Variants in DOCK10 observed in about 807,000 individuals in gnomAD.
DOCK10 encodes dedicator of cytokinesis protein 10.
Under a neutral mutation model 280.1 loss-of-function variants are expected in DOCK10, and 145 were observed. That is an observed-to-expected ratio of 0.52 (90% confidence interval 0.45 to 0.59). The LOEUF (loss-of-function observed/expected upper bound fraction) is 0.59. Ranked by LOEUF, DOCK10 falls within the 20% of genes least tolerant of loss-of-function variation. DOCK10 has a pLI of 0.00. For missense variants in DOCK10, 2,368 were observed against 2,651.7 expected (o/e 0.89, Z 2.35); for synonymous variants, 915 against 942.2 (o/e 0.97, Z 0.53).
chr2:224,898,329 C>CA (rs1373252485), intron 3 of DOCK10, among the ~76,000 whole-genome samples: 1 of 152,156 alleles, frequency 6.6e-6, no homozygotes, highest in Non-Finnish European at 1.5e-5. Context: ...GAGGACAAAA[C>CA]AAGGAGTGAC....
At chr2:224,837,915 T>A (rs1244024902) in intron 24 of DOCK10, 84 bp from the exon 25 acceptor site, 1 of 1,060,862 alleles carries the variant, frequency 9.4e-7, no homozygotes, top group African/African-American at 1.6e-5. Flanking sequence ...GCTTTGTAAA[T>A]TGGGTATTTA....
At position 224,805,425 on chromosome 2, in the gene DOCK10, T is replaced by C. The variant is rs943653469; in HGVS notation, c.3919A>G (p.Thr1307Ala). The change falls in exon 35 of 56, where the codon ACG becomes GCG. Residue 1307 changes from threonine (T) to alanine (A), a missense_variant. By Grantham distance (58) the Thr-to-Ala change is moderately conservative. Coordinates refer to ENST00000258390, the MANE Select transcript of DOCK10 (RefSeq NM_014689.3). The surrounding 1 kb of genome is among the most constrained non-coding windows in gnomAD (Gnocchi z 4.3). ...AGTCATACCTTTTCACAGTTGTCCGTCTTCTCACTGCTCTTCTCATTGGTA... is the reference window on the plus strand; with the variant it reads ...AGTCATACCTTTTCACAGTTGTCCGCCTTCTCACTGCTCTTCTCATTGGTA... ...PSTNEKSSEKTDNCEKIPRPL... is the reference protein window; with the variant it reads ...PSTNEKSSEKADNCEKIPRPL... 2 of 1,612,726 alleles carry C rather than the reference T, an allele frequency of 1.2e-6. No individual in the cohort carries two copies. Among genetic ancestry groups the C allele is most frequent in the Non-Finnish European group, 1.7e-6 (2 of 1,179,182 alleles).
At chr2:224,789,778 T>C (rs1408900219) in intron 47 of DOCK10, among the ~76,000 whole-genome samples, 1 of 120,858 alleles carries the variant, frequency 8.3e-6, no homozygotes, top group Non-Finnish European at 1.7e-5. Flanking sequence ...CAATGCCCAA[T>C]ACTTGCTTTT....
intron 3 of DOCK10, among the ~76,000 whole-genome samples, chr2:224,897,718 CAG>C (rs767667862): frequency 3.3e-5 from 5 of 152,158 alleles, no homozygotes; most frequent in Non-Finnish European, 5.9e-5. Context: ...ATTTTATAAA[CAG>C]ATGTGAATAA....
At chr2:224,936,271 A>T (rs771803101) in intron 1 of DOCK10, among the ~76,000 whole-genome samples, 21 of 152,208 alleles carry the variant, frequency 1.4e-4, no homozygotes, top group Admixed American at 1.3e-3. Flanking sequence ...TTTGCATATA[A>T]TTGGCTTTTC....
At chr2:224,993,917 A>G (rs73083751) in intron 1 of DOCK10, among the ~76,000 whole-genome samples, 8,563 of 152,280 alleles carry the variant, frequency 0.056, 290 homozygotes, top group Middle Eastern at 0.12. Flanking sequence ...TGGTTAGGAT[A>G]GGATCCTATT....
intron 1 of DOCK10, among the ~76,000 whole-genome samples, chr2:224,954,623 C>T (rs868621736): frequency 5.9e-5 from 9 of 152,188 alleles, no homozygotes; most frequent in Non-Finnish European, 1.0e-4. Flanking sequence ...TTGCCTCCAT[C>T]CTCAGAAGCC....
intron 1 of DOCK10, among the ~76,000 whole-genome samples, chr2:225,040,312 A>G (rs963815799): frequency 6.6e-6 from 1 of 152,118 alleles, no homozygotes; most frequent in Non-Finnish European, 1.5e-5. Flanking sequence ...GCCTGCCTAG[A>G]TGTGTAAGAT....
chr2:224,996,236 G>A (rs1706269853), intron 1 of DOCK10, among the ~76,000 whole-genome samples: 2 of 152,180 alleles, frequency 1.3e-5, no homozygotes, highest in Admixed American at 1.3e-4. Context: ...GGGGGTGCAA[G>A]AGGATAAGCT....
intron 16 of DOCK10, among the ~76,000 whole-genome samples, chr2:224,853,817 G>A (rs1045575247): frequency 3.3e-5 from 5 of 152,120 alleles, no homozygotes; most frequent in Admixed American, 6.5e-5. Context: ...TACCCCACCT[G>A]GAATCTGACT....
intron 7 of DOCK10, among the ~76,000 whole-genome samples, chr2:224,882,094 A>T (rs993929850): frequency 1.3e-5 from 2 of 152,214 alleles, no homozygotes; most frequent in African/African-American, 4.8e-5. Context: ...GTCTAAAGTG[A>T]CATCAGCTTA....
rs1559987178 is a variant in DOCK10, at chr2:225,035,589, ACACTGAATCAGTGT to A, written c.123+6649_123+6662del. Among the ~76,000 whole-genome samples, 56 of 70,602 alleles carry A rather than the reference ACACTGAATCAGTGT, an allele frequency of 7.9e-4. 1 individual carries two copies. The highest frequency in any genetic ancestry group is 2.6e-3 in the African/African-American group (50 of 18,984). 46.3% of individuals were successfully genotyped at this position (70,602 alleles called of 152,430 possible). ...ATATATATATATATATATATATATA[ACACTGAATCAGTGT>A]TAATTGTGTGTTGTATTAGTCAGTG... On this transcript the variant is annotated intron_variant, in intron 1 of 55. Transcript: ENST00000258390.
At position 224,957,291 on chromosome 2, in the gene DOCK10, C is replaced by CCG. The variant is rs1553622560; in HGVS notation, c.124-25624_124-25623insCG. ...TATTTAGTTTTTACTTTCCGCCCCC[C>CCG]CCCGGCTTTGTTTTTCGGAGATGGG... On this transcript the variant is annotated intron_variant, in intron 1 of 55. Coordinates refer to ENST00000258390, the MANE Select transcript of DOCK10 (RefSeq NM_014689.3). Among the ~76,000 whole-genome samples, 32 of 146,100 alleles carry CCG rather than the reference C, an allele frequency of 2.2e-4. 3 individuals carry two copies. Among genetic ancestry groups the CCG allele is most frequent in the Admixed American group, 1.6e-3 (24 of 14,874 alleles).
rs1696802712 is a variant in DOCK10, at chr2:224,852,379, T to G, written c.2140A>C (p.Lys714Gln). 10 of 1,570,508 alleles carry G rather than the reference T, an allele frequency of 6.4e-6. No individual in the cohort carries two copies. Among genetic ancestry groups the G allele is most frequent in the Non-Finnish European group, 6.1e-6 (7 of 1,156,654 alleles). Residue 714 changes from lysine to glutamine, a missense_variant and splice_region_variant, in exon 18 of 56, where the codon AAG (lysine) becomes CAG (glutamine). This residue lies in a region of DOCK10 where 1,209 missense variants were observed against 1,250.9 expected (regional missense o/e 0.97). Coordinates refer to ENST00000258390, the MANE Select transcript of DOCK10 (RefSeq NM_014689.3). ...NSDEESAKPL[K>Q]CIYGKPGGPL... ...GTCCCTTTGCTGACTTGGCTCACCT[T>G]CAGGGGCTTGGCACTTTCTTCATCT...
intron 27 of DOCK10, among the ~76,000 whole-genome samples, chr2:224,827,258 G>A (rs1159664968): frequency 1.9e-4 from 21 of 108,434 alleles, no homozygotes; most frequent in Admixed American, 1.5e-3. Flanking sequence ...GCGAAACTCC[G>A]TCTCAAAAAA....
chr2:224,978,681 A>G (rs1337863736), intron 1 of DOCK10, among the ~76,000 whole-genome samples: 1 of 152,220 alleles, frequency 6.6e-6, no homozygotes, highest in Admixed American at 6.5e-5. Flanking sequence ...AGATTAGAAG[A>G]GAGAAAGATC....
chr2:224,954,636 G>A (rs1308592770), intron 1 of DOCK10, among the ~76,000 whole-genome samples: 2 of 151,958 alleles, frequency 1.3e-5, no homozygotes, highest in Admixed American at 6.6e-5. Flanking sequence ...CAGAAGCCAG[G>A]GCATAACAAT....
intron 41 of DOCK10, among the ~76,000 whole-genome samples, chr2:224,799,143 A>G (rs917168643): frequency 3.3e-5 from 5 of 152,226 alleles, no homozygotes; most frequent in African/African-American, 1.2e-4. Flanking sequence ...AAGTTTTTAA[A>G]TACTTTTTTT....
chr2:224,999,122 G>T (rs1706353884), intron 1 of DOCK10, among the ~76,000 whole-genome samples: 1 of 152,198 alleles, frequency 6.6e-6, no homozygotes, highest in South Asian at 2.1e-4. Context: ...AGGGGGCAGA[G>T]GTTGCAGTGA....
Sources: gnomAD v4.1 joint callset for allele counts (sites outside exome capture counted in the v4.1 genomes callset) on GRCh38, gnomAD v4.1.1 for gene constraint, gnomAD v4.1.1 regional missense constraint, Gnocchi (gnomAD v3.1) non-coding constraint, MANE v1.5 for transcripts, NCBI Gene and HGNC (gene_info 2026-07-23, HGNC 2026-07-21) for gene names.